CRACDL: variants seen among roughly 807,000 people sequenced by gnomAD.
CRACDL encodes CRACD like.
In CRACDL, 26 loss-of-function variants were observed where a neutral mutation model predicts 70.6. That is an observed-to-expected ratio of 0.37 (90% CI 0.27 to 0.51). CRACDL has a LOEUF of 0.51. Ranked by LOEUF, CRACDL falls within the 20% of genes least tolerant of loss-of-function variation. The probability of loss-of-function intolerance (pLI) is 0.94; values close to 1 mark genes in which losing one functional copy is unlikely to be tolerated. For missense variants in CRACDL, 1,283 were observed against 1,376.9 expected (o/e 0.93, Z 1.08); for synonymous variants, 618 against 615.2 (o/e 1.00, Z -0.07).
At chr2:98,856,443 G>C (rs1328314286) in intron 1 of CRACDL, among the ~76,000 whole-genome samples, 1 of 151,974 alleles carries the variant, frequency 6.6e-6, no homozygotes, top group African/African-American at 2.4e-5. Context: ...TAGCAGACCT[G>C]TCTTACAATA....
At chr2:98,870,908 C>T (rs1423358403) in intron 1 of CRACDL, among the ~76,000 whole-genome samples, 2 of 152,224 alleles carry the variant, frequency 1.3e-5, no homozygotes, top group Non-Finnish European at 2.9e-5. Flanking sequence ...CCGAACAAGA[C>T]ATCACTCCAC....
chr2:98,872,219 G>A (rs990609962), intron 1 of CRACDL, among the ~76,000 whole-genome samples: 7 of 152,164 alleles, frequency 4.6e-5, no homozygotes, highest in African/African-American at 1.2e-4. Flanking sequence ...TTAGCCGGGC[G>A]TGGTGGCACA....
In CRACDL at chr2:98,822,944, C is replaced by T. The variant is rs771477791; in HGVS notation, c.1329G>A (p.Pro443=). 20 of 1,460,300 alleles carry T rather than the reference C, an allele frequency of 1.4e-5. No individual in the cohort carries two copies. Among genetic ancestry groups the T allele is most frequent in the African/African-American group, 8.9e-5 (6 of 67,494 alleles). The allele number at this position is 1,460,300 out of a possible 1,614,324, so 90.5% of individuals were successfully genotyped here. The change falls in exon 7 of 10, where the codon CCG becomes CCA. Residue 443 remains proline (P), a synonymous_variant. Coordinates refer to ENST00000397899, the MANE Select transcript of CRACDL (RefSeq NM_207362.3). This position sits in a 1 kb window ranked among gnomAD's most constrained non-coding sequence, Gnocchi z 4.9. ...RSVPKEAEPT[P]PVLPDEEKGP... ...CCTTCTCCTCATCCGGGAGCACGGG[C>T]GGCGTCGGCTCCGCTTCCTTCGGGA...
chr2:98,909,105 C>T (rs1040048087), intron 1 of CRACDL, among the ~76,000 whole-genome samples: 8 of 152,172 alleles, frequency 5.3e-5, no homozygotes, highest in Non-Finnish European at 1.0e-4. Flanking sequence ...AGCTCTGCTT[C>T]CTCTGAGACT....
At position 98,915,921 on chromosome 2, in the gene CRACDL, C is replaced by G. The variant is rs551623101; in HGVS notation, c.-11+20017G>C. Among the ~76,000 whole-genome samples the G allele has an allele frequency of 1.5e-3, 234 of 152,280 alleles. 1 individual carries two copies. Among genetic ancestry groups the G allele is most frequent in the Middle Eastern group, 0.01 (3 of 294 alleles). On this transcript the variant is annotated intron_variant, in intron 1 of 9. Transcript: ENST00000397899. ...TGAGTGTTTCAAGGCATGGCCAAGC[C>G]TTGTGTTTGACGAATGACAGCCCAG...
chr2:98,829,384 T>C (rs1223494412), intron 5 of CRACDL, among the ~76,000 whole-genome samples: 2 of 152,236 alleles, frequency 1.3e-5, no homozygotes, highest in African/African-American at 4.8e-5. Flanking sequence ...CTGTTTCCAC[T>C]GTTGCTCTGA....
intron 1 of CRACDL, among the ~76,000 whole-genome samples, chr2:98,885,243 G>A (rs896003923): frequency 2.0e-5 from 3 of 152,196 alleles, no homozygotes; most frequent in Admixed American, 6.5e-5. Context: ...TGTGTGAGAC[G>A]TAAGGCTTGG....
At position 98,838,169 on chromosome 2, in the gene CRACDL, G is replaced by A. The variant is rs1705875408; in HGVS notation, c.189C>T (p.Val63=). ...TWKQSQTRNE[V]IAIESGPVGY... The stretch of plus-strand genomic sequence containing the variant: ...CCACTGGCCCGGATTCGATGGCAAT[G>A]ACCTCATTCCTCGTCTGACTTTGTT... The change falls in exon 3 of 10, where the codon GTC becomes GTT. Residue 63 remains valine, a synonymous_variant. Coordinates refer to ENST00000397899, the MANE Select transcript of CRACDL (RefSeq NM_207362.3). 2.5e-6 allele frequency: 4 copies of A among 1,613,836 alleles called. No homozygotes were observed. The highest frequency in any genetic ancestry group is 1.7e-4 in the Middle Eastern group (1 of 6,060).
chr2:98,876,256 GT>G (rs1400900906), intron 1 of CRACDL, among the ~76,000 whole-genome samples: 1 of 152,198 alleles, frequency 6.6e-6, no homozygotes, highest in Admixed American at 6.5e-5. Flanking sequence ...CACCTTGAAA[GT>G]TTAGTAACTG....
chr2:98,804,839 G>A (rs890312914), intron 7 of CRACDL, among the ~76,000 whole-genome samples: 1 of 152,126 alleles, frequency 6.6e-6, no homozygotes. Context: ...TGCTGTGGCA[G>A]GAGACACACA....
chr2:98,847,874 CAG>C (rs1157208333), intron 1 of CRACDL, among the ~76,000 whole-genome samples: 3 of 152,180 alleles, frequency 2.0e-5, no homozygotes, highest in Non-Finnish European at 2.9e-5. Context: ...AAAACACAAA[CAG>C]AGAAAAGGAT....
intron 7 of CRACDL, among the ~76,000 whole-genome samples, chr2:98,807,421 T>C (rs1426170006): frequency 6.6e-6 from 1 of 152,248 alleles, no homozygotes; most frequent in Non-Finnish European, 1.5e-5. Context: ...GCTCAGCGTC[T>C]CTACCTGCTA....
At chr2:98,867,525 T>C (rs1403230984) in intron 1 of CRACDL, among the ~76,000 whole-genome samples, 2 of 151,688 alleles carry the variant, frequency 1.3e-5, no homozygotes, top group Non-Finnish European at 2.9e-5. Flanking sequence ...TTAGACATTT[T>C]CAGGTCATTA....
intron 1 of CRACDL, among the ~76,000 whole-genome samples, chr2:98,896,117 C>G (rs1485022311): frequency 2.0e-5 from 3 of 152,030 alleles, no homozygotes; most frequent in African/African-American, 7.2e-5. Flanking sequence ...GGAGGGCTGG[C>G]TGGTGGCATG....
chr2:98,808,299 A>C (rs1704405256), intron 7 of CRACDL, among the ~76,000 whole-genome samples: 1 of 152,108 alleles, frequency 6.6e-6, no homozygotes, highest in Non-Finnish European at 1.5e-5. Context: ...ACACATTAGA[A>C]CCACCTGGGC....
intron 1 of CRACDL, among the ~76,000 whole-genome samples, chr2:98,912,000 T>G (rs566554396): frequency 6.6e-6 from 1 of 152,190 alleles, no homozygotes; most frequent in African/African-American, 2.4e-5. Flanking sequence ...CTGACTCATT[T>G]GGTGGTGACA....
intron 8 of CRACDL, among the ~76,000 whole-genome samples, chr2:98,796,942 C>T (rs1488059381): frequency 1.3e-5 from 2 of 152,114 alleles, no homozygotes; most frequent in South Asian, 2.1e-4. Flanking sequence ...GAGCAGGGCT[C>T]GCTCCTCACA....
intron 1 of CRACDL, among the ~76,000 whole-genome samples, chr2:98,882,545 A>G (rs1318487589): frequency 6.6e-6 from 1 of 152,220 alleles, no homozygotes; most frequent in Admixed American, 6.5e-5. Flanking sequence ...AGAGAGGAAA[A>G]GCAAATGCCT....
At chr2:98,840,801 T>C (rs1217861211) in intron 2 of CRACDL, 1 of 152,200 alleles carries the variant, frequency 6.6e-6, no homozygotes, top group African/African-American at 2.4e-5. Flanking sequence ...ATGAACATTT[T>C]GTGAAATGGC....
Sources: gnomAD v4.1 joint callset for allele counts (sites outside exome capture counted in the v4.1 genomes callset) on GRCh38, gnomAD v4.1.1 for gene constraint, Gnocchi (gnomAD v3.1) non-coding constraint, MANE v1.5 for transcripts, NCBI Gene and HGNC (gene_info 2026-07-23, HGNC 2026-07-21) for gene names.